The following OLFM3 variants were observed in gnomAD, a reference collection of about 807,000 sequenced individuals.
OLFM3 encodes olfactomedin 3, also known as noelin-3.
A neutral mutation model predicts 48.6 loss-of-function variants in OLFM3; 20 were observed. The ratio of observed to expected loss-of-function variants is 0.41; its 90% CI spans 0.29 to 0.60. The LOEUF is 0.60. Ranked by LOEUF, OLFM3 falls within the 20% of genes least tolerant of loss-of-function variation. The pLI is 0.28. For synonymous variants in OLFM3, 222 were observed against 198.1 expected (o/e 1.12, Z -1.01); for missense variants, 437 against 544.3 (o/e 0.80, Z 1.96).
intron 1 of OLFM3, among the ~76,000 whole-genome samples, chr1:101,927,416 C>G (rs1659306113): frequency 6.6e-6 from 1 of 151,926 alleles, no homozygotes; most frequent in Non-Finnish European, 1.5e-5. Flanking sequence ...TCGAAATTTT[C>G]TTTAAGAAGC....
intron 1 of OLFM3, among the ~76,000 whole-genome samples, chr1:101,945,197 G>A (rs1295848233): frequency 1.3e-5 from 2 of 152,104 alleles, no homozygotes; most frequent in African/African-American, 4.8e-5. Context: ...CAATACAAAA[G>A]ACATGTACAT....
At chr1:101,970,173 A>AC (rs956736193) in intron 1 of OLFM3, among the ~76,000 whole-genome samples, 6 of 151,610 alleles carry the variant, frequency 4.0e-5, no homozygotes, top group Admixed American at 6.6e-5. Context: ...GCACTACCAC[A>AC]CCCCGCTAAT....
At chr1:101,955,443 G>T (rs1052111031) in intron 1 of OLFM3, among the ~76,000 whole-genome samples, 1 of 151,824 alleles carries the variant, frequency 6.6e-6, no homozygotes, top group African/African-American at 2.4e-5. Context: ...AAACTTTAGC[G>T]TTTTAAACAC....
chr1:101,869,091 C>G (rs897821686), intron 1 of OLFM3, among the ~76,000 whole-genome samples: 3 of 152,230 alleles, frequency 2.0e-5, no homozygotes, highest in African/African-American at 7.2e-5. Flanking sequence ...GAGCCCCACA[C>G]AGAGTTCCCA....
At chr1:101,883,930 T>C (rs1657638098) in intron 1 of OLFM3, among the ~76,000 whole-genome samples, 1 of 151,756 alleles carries the variant, frequency 6.6e-6, no homozygotes, top group African/African-American at 2.4e-5. Flanking sequence ...ATAAAAAACT[T>C]ACTATCTTTT....
intron 1 of OLFM3, among the ~76,000 whole-genome samples, chr1:101,984,664 T>G (rs1661188187): frequency 6.6e-6 from 1 of 152,184 alleles, no homozygotes; most frequent in African/African-American, 2.4e-5. Flanking sequence ...CCTCCCAAAG[T>G]GCTGGGATTA....
intron 1 of OLFM3, among the ~76,000 whole-genome samples, chr1:101,991,437 C>T (rs532646556): frequency 1.3e-5 from 2 of 152,068 alleles, no homozygotes; most frequent in African/African-American, 4.8e-5. Flanking sequence ...TTTATCCAGT[C>T]TCGCTTTTTT....
intron 1 of OLFM3, among the ~76,000 whole-genome samples, chr1:101,852,482 C>T (rs977994056): frequency 2.6e-5 from 4 of 152,072 alleles, no homozygotes; most frequent in African/African-American, 9.7e-5. Flanking sequence ...AATTTTATGA[C>T]CTCTCTTTCT....
intron 1 of OLFM3, among the ~76,000 whole-genome samples, chr1:101,930,532 C>T (rs1285984516): frequency 1.3e-5 from 2 of 152,120 alleles, no homozygotes; most frequent in Non-Finnish European, 2.9e-5. Flanking sequence ...AAGATTTTCT[C>T]ATTATATGTT....
At chr1:101,924,172 T>C (rs1270032939) in intron 1 of OLFM3, among the ~76,000 whole-genome samples, 1 of 152,152 alleles carries the variant, frequency 6.6e-6, no homozygotes, top group Non-Finnish European at 1.5e-5. Flanking sequence ...AAACATCAAT[T>C]GACACGATTC....
intron 1 of OLFM3, among the ~76,000 whole-genome samples, chr1:101,985,411 C>T (rs1570691190): frequency 6.6e-6 from 1 of 152,130 alleles, no homozygotes; most frequent in African/African-American, 2.4e-5. Flanking sequence ...TGCCAAAAAA[C>T]CATAACACAG....
At chr1:101,910,941 A>T (rs1159977439) in intron 1 of OLFM3, among the ~76,000 whole-genome samples, 3 of 152,132 alleles carry the variant, frequency 2.0e-5, no homozygotes, top group Non-Finnish European at 4.4e-5. Context: ...ATTTTTTTTT[A>T]GTCACAATCC....
chr1:101,989,466 GA>G (rs1394590464), intron 1 of OLFM3, among the ~76,000 whole-genome samples: 1 of 152,008 alleles, frequency 6.6e-6, no homozygotes, highest in Non-Finnish European at 1.5e-5. Context: ...ACCTCTTATA[GA>G]AAGTAACAGA....
chr1:101,959,304 TA>T (rs896221095), intron 1 of OLFM3, among the ~76,000 whole-genome samples: 7 of 151,612 alleles, frequency 4.6e-5, no homozygotes, highest in African/African-American at 1.7e-4. Flanking sequence ...TACATATTTC[TA>T]AAATGTCAAC....
intron 1 of OLFM3, among the ~76,000 whole-genome samples, chr1:101,880,529 T>C (rs1557713956): frequency 2.6e-5 from 4 of 151,814 alleles, no homozygotes. Context: ...TAGTTTTCAG[T>C]CTTTCTGTAT....
chr1:101,932,937 C>T (rs967488328), intron 1 of OLFM3, among the ~76,000 whole-genome samples: 3 of 152,088 alleles, frequency 2.0e-5, no homozygotes, highest in Non-Finnish European at 4.4e-5. Flanking sequence ...GGCATGGTGG[C>T]TCACACCTGT....
chr1:101,935,313 T>TA (rs36122415), intron 1 of OLFM3, among the ~76,000 whole-genome samples: 50,453 of 145,168 alleles, frequency 0.35, 8,924 homozygotes, highest in Middle Eastern at 0.5. Flanking sequence ...CCTAGAGAAA[T>TA]AAAAAAAAAA....
intron 2 of OLFM3, among the ~76,000 whole-genome samples, chr1:101,832,302 T>G (rs995858348): frequency 2.0e-5 from 3 of 152,224 alleles, no homozygotes; most frequent in African/African-American, 7.2e-5. Context: ...AGACACAAAT[T>G]TTTGTCATCA....
intron 4 of OLFM3, among the ~76,000 whole-genome samples, chr1:101,817,058 G>C (rs1455881116): frequency 1.3e-5 from 2 of 152,056 alleles, no homozygotes; most frequent in Non-Finnish European, 1.5e-5. Flanking sequence ...GATTCTAATG[G>C]AGCATAGATA....
Sources: gnomAD v4.1 joint callset for allele counts (sites outside exome capture counted in the v4.1 genomes callset) on GRCh38, gnomAD v4.1.1 for gene constraint, MANE v1.5 for transcripts, NCBI Gene and HGNC (gene_info 2026-07-23, HGNC 2026-07-21) for gene names.